The following ATF7IP2 variants were observed in gnomAD, a reference collection of about 807,000 sequenced individuals.
ATF7IP2 encodes activating transcription factor 7 interacting protein 2, also known as activating transcription factor 7-interacting protein 2.
ATF7IP2 carries 42 observed loss-of-function variants against 64.2 expected under a neutral mutation model. The observed-to-expected ratio is 0.65, with a 90% CI of 0.51 to 0.85. The LOEUF is 0.85. ATF7IP2 is among the 40% of genes least tolerant of loss of function. The probability of loss-of-function intolerance (pLI) is 0.00; values close to 1 mark genes in which losing one functional copy is unlikely to be tolerated. For synonymous variants in ATF7IP2, 308 were observed against 272.8 expected, an observed-to-expected ratio of 1.13 and a Z score of -1.27; for missense variants, 933 against 784.2, an observed-to-expected ratio of 1.19 and a Z score of -2.27.
chr16:10,475,782 G>T (rs561204817), intron 12 of ATF7IP2, among the ~76,000 whole-genome samples: 2 of 141,328 alleles, frequency 1.4e-5, no homozygotes, highest in Admixed American at 6.9e-5. Flanking sequence ...AGAACAAAAG[G>T]CAAAATGATC....
intron 12 of ATF7IP2, among the ~76,000 whole-genome samples, chr16:10,479,557 C>T (rs1482429652): frequency 6.6e-5 from 10 of 151,442 alleles, no homozygotes; most frequent in Admixed American, 1.3e-4. Flanking sequence ...TGCTAAATGA[C>T]GAGTTAATGG....
At chr16:10,413,310 A>G (rs879340248) in intron 1 of ATF7IP2, among the ~76,000 whole-genome samples, 1 of 152,156 alleles carries the variant, frequency 6.6e-6, no homozygotes, top group Non-Finnish European at 1.5e-5. Context: ...GTGATAGTGA[A>G]TAAGTCTCAT....
chr16:10,452,378 G>A (rs1324137592), intron 8 of ATF7IP2, among the ~76,000 whole-genome samples: 1 of 152,168 alleles, frequency 6.6e-6, no homozygotes, highest in Non-Finnish European at 1.5e-5. Context: ...CCCCTGTGGT[G>A]CAGGTCTGCT....
intron 9 of ATF7IP2, among the ~76,000 whole-genome samples, chr16:10,460,535 A>G (rs1051133575): frequency 2.0e-5 from 3 of 152,216 alleles, no homozygotes; most frequent in Non-Finnish European, 2.9e-5. Flanking sequence ...GTAACAGTAG[A>G]GAGTCCGGAA....
chr16:10,392,651 C>T (rs1193973151), intron 1 of ATF7IP2, among the ~76,000 whole-genome samples: 1 of 151,934 alleles, frequency 6.6e-6, no homozygotes, highest in Non-Finnish European at 1.5e-5. Flanking sequence ...TAAAATAGAC[C>T]CATCTCTCAT....
chr16:10,440,387 A>C lies in ATF7IP2; in HGVS notation c.1119A>C (p.Arg373Ser). 1 of 1,553,610 alleles carries C rather than the reference A, an allele frequency of 6.4e-7. No homozygotes were observed. The highest frequency in any genetic ancestry group is 8.7e-7 in the Non-Finnish European group (1 of 1,155,094). The change falls in exon 8 of 14, where the codon AGA becomes AGC. Residue 373 changes from arginine to serine, a missense_variant. Physicochemically the swap from Arg to Ser is moderately radical, Grantham distance 110. Transcript: ENST00000562102. ...AGGCAAAAATAGCAAAACTTCAAAG[A>C]CGTATTAAAACAGTATTATTATTTC... is the stretch of plus-strand genomic sequence containing the variant. Reference protein sequence around the residue: ...KLLAKIAKLQRRIKTVLLFQR... With the variant: ...KLLAKIAKLQSRIKTVLLFQR...
chr16:10,427,323 G>A (rs1001104471), intron 3 of ATF7IP2, among the ~76,000 whole-genome samples: 22 of 152,144 alleles, frequency 1.4e-4, no homozygotes, highest in African/African-American at 5.3e-4. Flanking sequence ...GACAATGAGA[G>A]CTAATTCTTT....
intron 9 of ATF7IP2, among the ~76,000 whole-genome samples, chr16:10,471,613 A>G (rs2142068421): frequency 6.6e-6 from 1 of 152,294 alleles, no homozygotes; most frequent in Admixed American, 6.5e-5. Context: ...ATTTATCATC[A>G]TTGTCTCAAA....
At chr16:10,437,863 A>G (rs1247878795) in intron 6 of ATF7IP2, among the ~76,000 whole-genome samples, 1 of 152,218 alleles carries the variant, frequency 6.6e-6, no homozygotes, top group Non-Finnish European at 1.5e-5. Context: ...AGTTAGCATT[A>G]TGAGAATAAA....
intron 12 of ATF7IP2, among the ~76,000 whole-genome samples, chr16:10,478,906 AC>A: frequency 6.6e-6 from 1 of 152,358 alleles, no homozygotes; most frequent in South Asian, 2.1e-4. Context: ...AAAAATGCTC[AC>A]CATCACTGGC....
At chr16:10,474,572 G>A (rs1405191961) in intron 12 of ATF7IP2, among the ~76,000 whole-genome samples, 2 of 152,164 alleles carry the variant, frequency 1.3e-5, no homozygotes, top group Non-Finnish European at 2.9e-5. Context: ...AACAGTGTCT[G>A]TCGTCTTTCA....
intron 5 of ATF7IP2, among the ~76,000 whole-genome samples, chr16:10,432,103 C>T (rs1007902410): frequency 2.0e-5 from 3 of 150,890 alleles, no homozygotes; most frequent in African/African-American, 4.9e-5. Flanking sequence ...TCCCAAAGTG[C>T]TGGGATTACA....
At chr16:10,434,179 A>G (rs62025936) in intron 6 of ATF7IP2, among the ~76,000 whole-genome samples, 27,655 of 152,196 alleles carry the variant, frequency 0.18, 2,647 homozygotes, top group African/African-American at 0.23. Flanking sequence ...TAGCATCATT[A>G]AATACACTTC....
In ATF7IP2 at chr16:10,405,092, G is replaced by A. The variant is rs556553206; in HGVS notation, c.-241-9482G>A. On this transcript the variant is annotated intron_variant, in intron 1 of 13. Transcript: ENST00000562102. Reference sequence around the variant, plus strand: ...AAAGGTCAATATTTGGCTGGGTGCCGTGGCTCATGCCTGTAATCTCGGCAC... The same window carrying A: ...AAAGGTCAATATTTGGCTGGGTGCCATGGCTCATGCCTGTAATCTCGGCAC... Among the ~76,000 whole-genome samples, 11 of 152,142 alleles carry A rather than the reference G, an allele frequency of 7.2e-5. No individual in the cohort carries two copies. The East Asian group carries it at 9.7e-4, about 13-fold the overall frequency.
chr16:10,482,042 C>A lies in ATF7IP2; in HGVS notation c.1842C>A (p.Phe614Leu). The A allele has an allele frequency of 6.2e-7, 1 of 1,613,896 alleles. No individual in the cohort carries two copies. The highest frequency in any genetic ancestry group is 1.3e-5 in the African/African-American group (1 of 75,022). The stretch of plus-strand genomic sequence containing the variant: ...CTCCTGTAGAAAGCTACCACCTCTT[C>A]CTGTGTCATGAGAACTCTAATAATA... ...KCAPVESYHL[F>L]LCHENSNNKL... Residue 614 changes from phenylalanine (F) to leucine (L), a missense_variant, in exon 14 of 14, where the codon TTC (phenylalanine) becomes TTA (leucine). By Grantham distance (22) the Phe-to-Leu change is conservative. Transcript: ENST00000562102.
At chr16:10,441,534 G>C (rs1408000198) in intron 8 of ATF7IP2, among the ~76,000 whole-genome samples, 2 of 152,108 alleles carry the variant, frequency 1.3e-5, no homozygotes, top group African/African-American at 4.8e-5. Flanking sequence ...ATGTTTGTTG[G>C]CTGCATAAAT....
chr16:10,452,356 T>A (rs1032862169), intron 8 of ATF7IP2, among the ~76,000 whole-genome samples: 2 of 152,196 alleles, frequency 1.3e-5, no homozygotes, highest in Non-Finnish European at 2.9e-5. Context: ...TGTTTGTTAC[T>A]CTTCTGTCAG....
chr16:10,390,949 G>A (rs1319862939), intron 1 of ATF7IP2, among the ~76,000 whole-genome samples: 1 of 152,146 alleles, frequency 6.6e-6, no homozygotes, highest in Admixed American at 6.5e-5. Context: ...GATTACTTAA[G>A]CCTAGGAATT....
chr16:10,418,191 A>G (rs1250956762), intron 2 of ATF7IP2, among the ~76,000 whole-genome samples: 1 of 152,230 alleles, frequency 6.6e-6, no homozygotes, highest in Non-Finnish European at 1.5e-5. Flanking sequence ...CAGCAGGTAT[A>G]TGTCCTTAAG....
Sources: gnomAD v4.1 joint callset for allele counts (sites outside exome capture counted in the v4.1 genomes callset) on GRCh38, gnomAD v4.1.1 for gene constraint, MANE v1.5 for transcripts, NCBI Gene and HGNC (gene_info 2026-07-23, HGNC 2026-07-21) for gene names.